Variants in FBXL8 observed in about 807,000 individuals in gnomAD.
The protein encoded by FBXL8 is F-box and leucine rich repeat protein 8.
A neutral mutation model predicts 8.2 loss-of-function variants in FBXL8; 13 were observed. The observed-to-expected ratio is 1.58, with a 90% CI of 1.03 to 2.51. FBXL8 has a LOEUF of 2.51. Ranked by LOEUF, FBXL8 falls within the 30% of genes most tolerant of loss-of-function variation. FBXL8 has a pLI of 0.00. For synonymous variants in FBXL8, 271 were observed against 260.5 expected (o/e 1.04, Z -0.39); for missense variants, 565 against 540.4 (o/e 1.05, Z -0.45).
intron 2 of FBXL8, chr16:67,162,598 G>A: frequency 1.4e-6 from 1 of 710,990 alleles, no homozygotes; most frequent in Admixed American, 2.0e-5. Flanking sequence ...AGCTGAGAAA[G>A]CCCAGTTCCT....
At chr16:67,161,979 A>G (rs367672794) in intron 2 of FBXL8, 42 bp downstream of exon 2, 36 of 1,544,020 alleles carry the variant, frequency 2.3e-5, no homozygotes, top group Non-Finnish European at 2.9e-5. Context: ...CCGCCCACTC[A>G]CCTTCTCCGT....
rs576201712 is a variant in FBXL8 at position 67,163,599 on chromosome 16, A to T, written c.904A>T (p.Thr302Ser). 1 of 1,575,082 alleles carries T rather than the reference A, an allele frequency of 6.3e-7. No homozygotes were observed. The highest frequency in any genetic ancestry group is 2.3e-5 in the East Asian group (1 of 42,770). ...VRFAAHHYAATLCALEVRAAA... is the reference protein window; with the variant it reads ...VRFAAHHYAASLCALEVRAAA... ...CTTCGCAGCACACCACTACGCCGCAACCCTGTGCGCGCTCGAGGTGCGCGC... is the reference window on the plus strand; with the variant it reads ...CTTCGCAGCACACCACTACGCCGCATCCCTGTGCGCGCTCGAGGTGCGCGC... Residue 302 changes from threonine (T) to serine (S), a missense_variant, in exon 3 of 3, where the codon ACC (threonine) becomes TCC (serine). Thr to Ser is a moderately conservative substitution (Grantham distance 58). Transcript: ENST00000258200.
rs745868733 is a variant in FBXL8 at position 67,163,297 on chromosome 16, C to G, written c.602C>G (p.Ala201Gly). 1.3e-6 allele frequency: 2 copies of G among 1,577,302 alleles called. No individual in the cohort carries two copies. Among genetic ancestry groups the G allele is most frequent in the Non-Finnish European group, 1.7e-6 (2 of 1,163,926 alleles). ...CTGCGCGCTCTCGGCCTGCACCTAG[C>G]CAGTTTGTCGCACGCCATCCTCGAA... is the stretch of plus-strand genomic sequence containing the variant. The part of the protein sequence containing the change: ...PRLRALGLHL[A>G]SLSHAILEAL... Residue 201 changes from alanine (A) to glycine (G), a missense_variant, in exon 3 of 3, where the codon GCC becomes GGC. Coordinates refer to ENST00000258200, the MANE Select transcript of FBXL8 (RefSeq NM_018378.3).
At chr16:67,162,738 G>C in intron 2 of FBXL8, 110 bp from the exon 3 acceptor site, 2 of 1,434,084 alleles carry the variant, frequency 1.4e-6, no homozygotes, top group South Asian at 2.4e-5. Flanking sequence ...CGTGGGGAGG[G>C]AGGCAGGAAA....
rs922635372 is a variant in FBXL8 at position 67,163,423 on chromosome 16, T to A, written c.728T>A (p.Val243Asp). ...RASPLPNEAWVALRRRHPGLA... is the reference protein window; with the variant it reads ...RASPLPNEAWDALRRRHPGLA... The stretch of plus-strand genomic sequence containing the variant: ...TCCCCGCTGCCCAACGAAGCCTGGG[T>A]CGCGTTGCGCCGCCGCCACCCTGGG... Residue 243 changes from valine to aspartate, a missense_variant, in exon 3 of 3, where the codon GTC (valine) becomes GAC (aspartate). Physicochemically the swap from Val to Asp is radical, Grantham distance 152. Coordinates refer to ENST00000258200, the MANE Select transcript of FBXL8 (RefSeq NM_018378.3). 1.3e-6 allele frequency: 2 copies of A among 1,536,356 alleles called. No individual in the cohort carries two copies. The highest frequency in any genetic ancestry group is 2.7e-5 in the African/African-American group (2 of 72,758).
At chr16:67,162,178 A>C in intron 2 of FBXL8, 1 of 422,852 alleles carries the variant, frequency 2.4e-6, no homozygotes, top group Non-Finnish European at 4.2e-6. Context: ...AAAATACAAA[A>C]ACTAGCCGGG....
At chr16:67,160,391 T>G (rs568463803) in intron 1 of FBXL8, 1 of 152,348 alleles carries the variant, frequency 6.6e-6, no homozygotes, top group East Asian at 1.9e-4. Flanking sequence ...TGAAGCCTTG[T>G]GTACACAAAC....
chr16:67,161,926 C>T lies in FBXL8; in HGVS notation c.141C>T (p.Asp47=), dbSNP rs1180991965. 6.2e-7 allele frequency: 1 copy of T among 1,606,998 alleles called. No individual in the cohort carries two copies. The highest frequency in any genetic ancestry group is 8.5e-7 in the Non-Finnish European group (1 of 1,177,354). The change falls in exon 2 of 3, where the codon GAC becomes GAT. Residue 47 remains aspartate, a synonymous_variant. Transcript: ENST00000258200. ...CTACCTGCAGCGCCGTGTGGCACGACACAAAAATCAGGTGAGCCTGCTCCT... is the reference window on the plus strand; with the variant it reads ...CTACCTGCAGCGCCGTGTGGCACGATACAAAAATCAGGTGAGCCTGCTCCT... ...AAATCSAVWH[D]TKISCECELE...
intron 2 of FBXL8, 182 bp downstream of exon 2, chr16:67,162,119 C>T (rs576063007): frequency 5.4e-6 from 4 of 735,452 alleles, no homozygotes; most frequent in Non-Finnish European, 8.2e-6. Flanking sequence ...CACCTGAGGT[C>T]AGGAGTTTGA....
At chr16:67,162,349 G>A (rs985788388) in intron 2 of FBXL8, 2 of 507,828 alleles carry the variant, frequency 3.9e-6, no homozygotes, top group Non-Finnish European at 7.0e-6. Context: ...AATAATTGCT[G>A]ACGTATTGAC....
Position 67,163,259 on chromosome 16 carries a change from G to A in FBXL8, c.564G>A (p.Glu188=), listed in dbSNP as rs977747902. 3 of 1,567,508 alleles carry A rather than the reference G, an allele frequency of 1.9e-6. No homozygotes were observed. The highest frequency in any genetic ancestry group is 1.2e-5 in the South Asian group (1 of 86,206). Reference sequence around the variant, plus strand: ...CCGGCTCAGTGCTCGAGCTACTGGAGGCCTGCCCGCGCCTGCGCGCTCTCG... The same window carrying A: ...CCGGCTCAGTGCTCGAGCTACTGGAAGCCTGCCCGCGCCTGCGCGCTCTCG... ...VGPGSVLELL[E]ACPRLRALGL... Residue 188 remains glutamate (E), a synonymous_variant, in exon 3 of 3, where the codon GAG becomes GAA. Coordinates refer to ENST00000258200, the MANE Select transcript of FBXL8 (RefSeq NM_018378.3).
Position 67,163,751 on chromosome 16 carries a change from G to T in FBXL8, c.1056G>T (p.Pro352=). ...TGGACGCCTTCCGCGCGCACTGCCC[G>T]CGCCTGCGCACCTATACCCTCAAGC... ...SVLDAFRAHC[P]RLRTYTLKLT... Residue 352 remains proline, a synonymous_variant, in exon 3 of 3, where the codon CCG becomes CCT. Transcript: ENST00000258200. 6.3e-7 allele frequency: 1 copy of T among 1,593,360 alleles called. No homozygotes were observed. Among genetic ancestry groups the T allele is most frequent in the East Asian group, 2.2e-5 (1 of 44,518 alleles).
At position 67,163,235 on chromosome 16, in the gene FBXL8, C is replaced by G; in HGVS notation, c.540C>G (p.Pro180=). Residue 180 remains proline, a synonymous_variant, in exon 3 of 3, where the codon CCC becomes CCG. Coordinates refer to ENST00000258200, the MANE Select transcript of FBXL8 (RefSeq NM_018378.3). ...GTACCCTAGTGGGCAGCGTGGGTCC[C>G]GGCTCAGTGCTCGAGCTACTGGAGG... ...DNSTLVGSVG[P]GSVLELLEAC... is the part of the protein sequence containing the mutation. 5.7e-6 allele frequency: 9 copies of G among 1,566,306 alleles called. No individual in the cohort carries two copies. The highest frequency in any genetic ancestry group is 6.1e-6 in the Non-Finnish European group (7 of 1,156,596).
Position 67,163,310 on chromosome 16 carries a change from C to A in FBXL8, c.615C>A (p.His205Gln), listed in dbSNP as rs1227501940. ...GCCTGCACCTAGCCAGTTTGTCGCA[C>A]GCCATCCTCGAAGCACTGGCGGCGC... Reference protein sequence around the residue: ...ALGLHLASLSHAILEALAAPD... With the variant: ...ALGLHLASLSQAILEALAAPD... The change falls in exon 3 of 3, where the codon CAC (histidine) becomes CAA (glutamine). Residue 205 changes from histidine to glutamine, a missense_variant. Physicochemically the swap from His to Gln is conservative, Grantham distance 24 (BLOSUM62 0). Coordinates refer to ENST00000258200, the MANE Select transcript of FBXL8 (RefSeq NM_018378.3). 1 of 1,574,880 alleles carries A rather than the reference C, an allele frequency of 6.3e-7. No homozygotes were observed. The highest frequency in any genetic ancestry group is 8.6e-7 in the Non-Finnish European group (1 of 1,163,280).
rs951056129 is a variant in FBXL8 at position 67,161,854 on chromosome 16, A to G, written c.69A>G (p.Arg23=). 4 of 1,611,026 alleles carry G rather than the reference A, an allele frequency of 2.5e-6. No homozygotes were observed. The highest frequency in any genetic ancestry group is 1.7e-5 in the Admixed American group (1 of 59,766). ...LALIFRHLSL[R]DRAAAARVCR... is the part of the protein sequence containing the mutation. ...TCATCTTCCGCCACCTGTCCCTGAG[A>G]GACCGTGCTGCCGCCGCCAGGGTCT... The change falls in exon 2 of 3, where the codon AGA becomes AGG. Residue 23 remains arginine, a synonymous_variant. Coordinates refer to ENST00000258200, the MANE Select transcript of FBXL8 (RefSeq NM_018378.3).
intron 1 of FBXL8, chr16:67,161,133 C>A (rs892462586): frequency 6.0e-5 from 10 of 165,912 alleles, no homozygotes; most frequent in African/African-American, 2.4e-4. Context: ...TTCTACTAAC[C>A]GGCGGGGTTA....
rs2030916315 is a variant in FBXL8, at chr16:67,161,811, C to CA, written c.27dup (p.Glu10ArgfsTer46). On this transcript the variant is annotated frameshift_variant, in exon 2 of 3. Coordinates refer to ENST00000258200, the MANE Select transcript of FBXL8 (RefSeq NM_018378.3). LOFTEE classifies it high-confidence loss of function. ...ATGGCCGAGCCTGGAGAGGGACTGCCAGAGGAGGTGCTGGCACTCATCTTC... is the reference window on the plus strand; with the variant it reads ...ATGGCCGAGCCTGGAGAGGGACTGCCAAGAGGAGGTGCTGGCACTCATCTTC... 8.1e-6 allele frequency: 13 copies of CA among 1,609,234 alleles called. No individual in the cohort carries two copies. The highest frequency in any genetic ancestry group is 1.0e-5 in the Non-Finnish European group (12 of 1,177,964).
intron 2 of FBXL8, 119 bp downstream of exon 2, chr16:67,162,056 G>A (rs1428685347): frequency 3.6e-5 from 48 of 1,338,668 alleles, no homozygotes; most frequent in Non-Finnish European, 4.5e-5. Flanking sequence ...CTGGCCGGGC[G>A]TGGTGGCTCA....
intron 2 of FBXL8, chr16:67,162,548 AC>A: frequency 1.4e-6 from 1 of 700,956 alleles, no homozygotes; most frequent in South Asian, 1.5e-5. Context: ...CAGAATTCGA[AC>A]CTAGCAGTCC....
Sources: allele counts gnomAD v4.1 joint callset, GRCh38; gene constraint gnomAD v4.1.1; transcripts MANE v1.5; gene names NCBI Gene and HGNC (gene_info 2026-07-23, HGNC 2026-07-21).